ACTR3C: variants seen among roughly 807,000 people sequenced by gnomAD.
The protein encoded by ACTR3C is actin-related protein 3C.
A neutral mutation model predicts 26.3 loss-of-function variants in ACTR3C; 18 were observed. The ratio of observed to expected loss-of-function variants is 0.68; its 90% confidence interval spans 0.47 to 1.01. ACTR3C has a LOEUF of 1.01. Ranked by LOEUF, ACTR3C falls within the 50% of genes least tolerant of loss-of-function variation. The pLI is 0.00. For synonymous variants in ACTR3C, 55 were observed against 94.5 expected, an observed-to-expected ratio of 0.58 and a Z score of 2.42; for missense variants, 184 against 250.7, an observed-to-expected ratio of 0.73 and a Z score of 1.80.
At chr7:150,244,025 T>A (rs1282739055), downstream of ACTR3C, 4 of 151,924 alleles carry the variant, frequency 2.6e-5, no homozygotes, top group East Asian at 5.8e-4. Flanking sequence ...AGTTTAGTAC[T>A]CTCATTGTAT....
chr7:149,935,873 C>T, the ACTR3C span, among the ~76,000 whole-genome samples: 5 of 152,286 alleles, frequency 3.3e-5, no homozygotes, highest in South Asian at 1.0e-3. Context: ...GACAGCTGCA[C>T]TTGTGGGAGC....
At chr7:150,140,911 C>T in the ACTR3C span, among the ~76,000 whole-genome samples, 1 of 152,368 alleles carries the variant, frequency 6.6e-6, no homozygotes, top group East Asian at 1.9e-4. Context: ...AAAAGTGCTA[C>T]TCCAGTGAAC....
the ACTR3C span, among the ~76,000 whole-genome samples, chr7:150,055,997 C>T: frequency 9.7e-4 from 148 of 152,026 alleles, no homozygotes; most frequent in Non-Finnish European, 1.9e-3. Context: ...CATGTTAAAG[C>T]GTTCATTATA....
the ACTR3C span, among the ~76,000 whole-genome samples, chr7:150,039,961 G>A: frequency 5.4e-3 from 733 of 135,632 alleles, 16 homozygotes; most frequent in African/African-American, 0.019. Context: ...GAGGTTCGCA[G>A]TCCCCGCCTC....
At chr7:149,962,841 A>G in the ACTR3C span, among the ~76,000 whole-genome samples, 1 of 152,204 alleles carries the variant, frequency 6.6e-6, no homozygotes, top group African/African-American at 2.4e-5. Flanking sequence ...GAAACTACGT[A>G]TCTCACTCCT....
the ACTR3C span, among the ~76,000 whole-genome samples, chr7:150,043,792 AAC>A: frequency 6.6e-6 from 1 of 152,286 alleles, no homozygotes; most frequent in East Asian, 1.9e-4. Context: ...TTACAGTTGA[AAC>A]AGAAGAAAAG....
the ACTR3C span, among the ~76,000 whole-genome samples, chr7:149,936,460 T>C: frequency 6.6e-6 from 1 of 152,236 alleles, no homozygotes; most frequent in Non-Finnish European, 1.5e-5. Flanking sequence ...ATCCTGCTCA[T>C]TTTAGCATAG....
At chr7:150,015,754 T>A in the ACTR3C span, among the ~76,000 whole-genome samples, 41,577 of 149,768 alleles carry the variant, frequency 0.28, 3,002 homozygotes, top group East Asian at 0.4. Flanking sequence ...TTGCCCAGCC[T>A]ACTCCATGCC....
At chr7:149,927,208 TG>T in the ACTR3C span, among the ~76,000 whole-genome samples, 1 of 151,844 alleles carries the variant, frequency 6.6e-6, no homozygotes. Flanking sequence ...GGAACAAAAA[TG>T]GGGACCATGA....
At chr7:150,157,003 C>G in the ACTR3C span, among the ~76,000 whole-genome samples, 12 of 150,956 alleles carry the variant, frequency 7.9e-5, no homozygotes, top group African/African-American at 1.2e-4. Flanking sequence ...TGTGTCAACA[C>G]CAGAAATGAG....
At chr7:150,100,661 T>TTA in the ACTR3C span, among the ~76,000 whole-genome samples, 9 of 151,330 alleles carry the variant, frequency 5.9e-5, 1 homozygote, top group South Asian at 2.1e-4. Context: ...CCCAGCTATC[T>TTA]TATATATATA....
the ACTR3C span, among the ~76,000 whole-genome samples, chr7:149,996,517 G>A: frequency 7.9e-4 from 117 of 149,004 alleles, 1 homozygote; most frequent in Non-Finnish European, 1.5e-3. Flanking sequence ...AGAATAACTG[G>A]GATTTTTTTT....
the ACTR3C span, among the ~76,000 whole-genome samples, chr7:149,956,812 C>T: frequency 6.1e-3 from 931 of 152,226 alleles, 9 homozygotes; most frequent in African/African-American, 0.021. Context: ...CAAGATATCA[C>T]GACCAGTGAG....
the ACTR3C span, among the ~76,000 whole-genome samples, chr7:150,138,188 A>G: frequency 0.029 from 4,364 of 152,316 alleles, 236 homozygotes; most frequent in African/African-American, 0.099. Context: ...CCAAGTAGAC[A>G]ACATAAATCA....
At chr7:150,168,389 G>A in the ACTR3C span, among the ~76,000 whole-genome samples, 1 of 150,886 alleles carries the variant, frequency 6.6e-6, no homozygotes, top group Non-Finnish European at 1.5e-5. Context: ...TGATCCTTAT[G>A]AGAATCTAAT....
the ACTR3C span, among the ~76,000 whole-genome samples, chr7:149,950,249 G>A: frequency 1.6e-5 from 2 of 125,736 alleles, no homozygotes; most frequent in Non-Finnish European, 1.6e-5. Context: ...ATTTGCTGAT[G>A]GCAACATGAG....
chr7:150,307,961 C>T lies in ACTR3C; in HGVS notation c.-51-12614G>A, dbSNP rs914471974. ...TCTCCCTTCCCTTCATTTCCTTTTG[C>T]TTTCTGGTAGAGACAGAGAAGACAC... On this transcript the variant is annotated intron_variant, in intron 1 of 7. Coordinates refer to ENST00000683684, the MANE Select transcript of ACTR3C (RefSeq NM_001164458.2). 4.6e-5 allele frequency among the ~76,000 whole-genome samples: 7 copies of T among 152,214 alleles called. No individual in the cohort carries two copies. In the East Asian group the frequency reaches 1.3e-3, roughly 29 times the overall value.
At chr7:150,092,519 C>A in the ACTR3C span, among the ~76,000 whole-genome samples, 1 of 149,146 alleles carries the variant, frequency 6.7e-6, no homozygotes, top group South Asian at 2.2e-4. Context: ...TAGGGAGATA[C>A]ATAACTACAT....
chr7:149,921,409 C>T, the ACTR3C span, among the ~76,000 whole-genome samples: 1 of 152,148 alleles, frequency 6.6e-6, no homozygotes, highest in African/African-American at 2.4e-5. Context: ...ATGTAACCTC[C>T]AACATGCTTT....
Sources: gnomAD v4.1 joint callset for allele counts (sites outside exome capture counted in the v4.1 genomes callset) on GRCh38, gnomAD v4.1.1 for gene constraint, MANE v1.5 for transcripts, NCBI Gene and HGNC (gene_info 2026-07-23, HGNC 2026-07-21) for gene names.